The following PLPP1 variants were observed in gnomAD, a reference collection of about 807,000 sequenced individuals.
PLPP1 encodes the protein lipid phosphate phosphohydrolase 1a.
In PLPP1, 24 loss-of-function variants were observed where a neutral mutation model predicts 31.2. The ratio of observed to expected loss-of-function variants is 0.77; its 90% CI spans 0.56 to 1.08. PLPP1 has a LOEUF of 1.08. Ranked by LOEUF, PLPP1 falls within the 50% of genes least tolerant of loss-of-function variation. The probability of loss-of-function intolerance (pLI) is 0.00; values close to 1 mark genes in which losing one functional copy is unlikely to be tolerated. For missense variants in PLPP1, 319 were observed against 342.7 expected, an observed-to-expected ratio of 0.93 and a Z score of 0.55; for synonymous variants, 146 against 126.3, an observed-to-expected ratio of 1.16 and a Z score of -1.05.
At chr5:55,512,528 G>GA (rs1444220078) in intron 1 of PLPP1, among the ~76,000 whole-genome samples, 154 of 7,540 alleles carry the variant, frequency 0.02, 11 homozygotes, top group African/African-American at 0.038. Flanking sequence ...AAGAAAGAAA[G>GA]AAAGAAAGAA....
intron 1 of PLPP1, among the ~76,000 whole-genome samples, chr5:55,494,526 T>C (rs1003828606): frequency 5.9e-5 from 9 of 152,198 alleles, no homozygotes; most frequent in African/African-American, 2.2e-4. Context: ...CTCAGCCTCA[T>C]CTTCCACTGT....
In PLPP1 at chr5:55,534,451, T is replaced by G. The variant is rs1355525359; in HGVS notation, c.58+121A>C. ...CCCTCGGCTGCAGAAGCCGCCCCCG[T>G]GTGTCGCCCCACAGCTGCGCACGCG... On this transcript the variant is annotated intron_variant, in intron 1 of 5. Transcript: ENST00000307259. 5.3e-5 allele frequency: 56 copies of G among 1,056,086 alleles called. No individual in the cohort carries two copies. The South Asian group carries it at 9.7e-4, about 18-fold the overall frequency. 65.4% of individuals were successfully genotyped at this position (1,056,086 alleles called of 1,614,324 possible). A position where few individuals can be genotyped will look rare whatever the true frequency, so the allele number is the denominator to read the frequency against.
chr5:55,425,326 A>G lies in PLPP1; in HGVS notation c.735T>C (p.Tyr245=), dbSNP rs764365466. ...GALVAILVAV[Y]VSDFFKERTS... ...TTCTTTCTTTGAAGAAATCCGATAC[A>G]TATACAGCCTACAGTGCAAAATATT... The change falls in exon 6 of 6, where the codon TAT becomes TAC. Residue 245 remains tyrosine (Y), a synonymous_variant. Coordinates refer to ENST00000307259, the MANE Select transcript of PLPP1 (RefSeq NM_003711.4). 6.2e-7 allele frequency: 1 copy of G among 1,602,064 alleles called. No homozygotes were observed. Among genetic ancestry groups the G allele is most frequent in the Non-Finnish European group, 8.5e-7 (1 of 1,170,026 alleles).
At chr5:55,472,751 GGAAGAGGAA>G (rs913008903) in intron 2 of PLPP1, among the ~76,000 whole-genome samples, 8 of 4,940 alleles carry the variant, frequency 1.6e-3, no homozygotes, top group African/African-American at 2.6e-3. Context: ...AGGAAGAAGA[GGAAGAGGAA>G]GAAGAAGAGG....
At chr5:55,445,361 T>C (rs1751737753) in intron 3 of PLPP1, among the ~76,000 whole-genome samples, 1 of 152,132 alleles carries the variant, frequency 6.6e-6, no homozygotes, top group Non-Finnish European at 1.5e-5. Context: ...CTTAATTTAG[T>C]ATTTTGGGGC....
chr5:55,477,396 CT>C (rs3070044), intron 1 of PLPP1, among the ~76,000 whole-genome samples: 17 of 133,304 alleles, frequency 1.3e-4, no homozygotes, highest in African/African-American at 2.2e-4. Context: ...TTTTTCTTTT[CT>C]TTTTTTTTTT....
At chr5:55,497,374 T>C (rs1278283086) in intron 1 of PLPP1, among the ~76,000 whole-genome samples, 2 of 151,656 alleles carry the variant, frequency 1.3e-5, no homozygotes, top group African/African-American at 4.8e-5. Flanking sequence ...GCCTCCCAAG[T>C]AGCTGTGACT....
chr5:55,431,833 C>T (rs230737), intron 4 of PLPP1, among the ~76,000 whole-genome samples: 130,859 of 152,190 alleles, frequency 0.86, 56,648 homozygotes, highest in South Asian at 0.92. Context: ...AAAGGATAAA[C>T]GAAATCGACA....
intron 3 of PLPP1, among the ~76,000 whole-genome samples, chr5:55,454,203 T>C (rs755481612): frequency 6.6e-6 from 1 of 152,134 alleles, no homozygotes; most frequent in Non-Finnish European, 1.5e-5. Flanking sequence ...TTGCAATATA[T>C]TATGTAAGAA....
intron 1 of PLPP1, among the ~76,000 whole-genome samples, chr5:55,485,288 T>C (rs955561864): frequency 2.0e-5 from 3 of 152,158 alleles, no homozygotes; most frequent in Admixed American, 2.0e-4. Flanking sequence ...AATTACAGCA[T>C]GCTGCAACAC....
chr5:55,471,226 G>A (rs1249900894), intron 2 of PLPP1, among the ~76,000 whole-genome samples: 1 of 148,460 alleles, frequency 6.7e-6, no homozygotes, highest in East Asian at 2.0e-4. Context: ...TTTTGAGACG[G>A]AGTCTTGCTC....
At chr5:55,464,056 A>G (rs1428534716) in intron 3 of PLPP1, among the ~76,000 whole-genome samples, 2 of 152,068 alleles carry the variant, frequency 1.3e-5, no homozygotes, top group African/African-American at 4.8e-5. Flanking sequence ...AAGGAAATAT[A>G]AATTAAAACC....
intron 1 of PLPP1, among the ~76,000 whole-genome samples, chr5:55,507,815 G>T (rs1214811015): frequency 1.3e-5 from 2 of 151,102 alleles, no homozygotes; most frequent in Non-Finnish European, 2.9e-5. Flanking sequence ...GGTCACTGAT[G>T]ATTTTTTTAG....
chr5:55,508,091 C>G (rs1447889961), intron 1 of PLPP1, among the ~76,000 whole-genome samples: 1 of 152,122 alleles, frequency 6.6e-6, no homozygotes, highest in East Asian at 1.9e-4. Context: ...CTCCTGGCCT[C>G]AAGCAATCCT....
intron 4 of PLPP1, among the ~76,000 whole-genome samples, chr5:55,430,194 C>T (rs183045460): frequency 1.1e-4 from 16 of 152,280 alleles, no homozygotes; most frequent in African/African-American, 3.6e-4. Flanking sequence ...CCACTGCCCG[C>T]ACCACACCTG....
At chr5:55,438,870 C>T (rs1751556979) in intron 4 of PLPP1, among the ~76,000 whole-genome samples, 1 of 151,230 alleles carries the variant, frequency 6.6e-6, no homozygotes, top group Admixed American at 6.6e-5. Flanking sequence ...CACTGCACTC[C>T]AGCCTGGGTG....
chr5:55,449,844 C>T (rs1007059796), intron 3 of PLPP1, among the ~76,000 whole-genome samples: 1 of 151,944 alleles, frequency 6.6e-6, no homozygotes, highest in Non-Finnish European at 1.5e-5. Context: ...AAAGAAATCA[C>T]ATTTCTAGAA....
chr5:55,492,624 G>A (rs1007067960), intron 1 of PLPP1, among the ~76,000 whole-genome samples: 1 of 152,158 alleles, frequency 6.6e-6, no homozygotes, highest in Admixed American at 6.5e-5. Flanking sequence ...GGAAGCATGA[G>A]AATTGCATCA....
chr5:55,484,879 TC>T (rs1752744537), intron 1 of PLPP1: 1 of 152,046 alleles, frequency 6.6e-6, no homozygotes, highest in Non-Finnish European at 1.5e-5. Flanking sequence ...ATAATAAAAC[TC>T]TAATAAAAAC....
Sources: allele counts gnomAD v4.1 joint callset (sites outside exome capture counted in the v4.1 genomes callset), GRCh38; gene constraint gnomAD v4.1.1; transcripts MANE v1.5; gene names NCBI Gene and HGNC (gene_info 2026-07-23, HGNC 2026-07-21).